Variants in CCN3 observed in about 807,000 individuals in gnomAD.
CCN3 encodes the protein CCN family member 3.
Under a neutral mutation model 33.4 loss-of-function variants are expected in CCN3, and 20 were observed. The ratio of observed to expected loss-of-function variants is 0.60; its 90% CI spans 0.42 to 0.87. The LOEUF (loss-of-function observed/expected upper bound fraction) is 0.87, where lower values mean the gene tolerates loss of function less well. Among genes scored for constraint, CCN3 ranks in the 40% least tolerant of loss-of-function variants. The pLI is 0.00. For synonymous variants in CCN3, 205 were observed against 170.4 expected (o/e 1.20, Z -1.58); for missense variants, 465 against 455.3 (o/e 1.02, Z -0.19).
chr8:119,422,895 G>C lies in CCN3; in HGVS notation c.837G>C (p.Lys279Asn), dbSNP rs781019709. Residue 279 changes from lysine (K) to asparagine (N), a missense_variant, in exon 5 of 5, where the codon AAG becomes AAC. Transcript: ENST00000259526. ...TCAAAGCCATCCACCTGCAGTTCAA[G>C]AACTGCACCAGCCTGCACACCTACA... ...KSLKAIHLQFKNCTSLHTYKP... is the reference protein window; with the variant it reads ...KSLKAIHLQFNNCTSLHTYKP... 1.2e-6 allele frequency: 2 copies of C among 1,613,864 alleles called. No homozygotes were observed. The highest frequency in any genetic ancestry group is 1.7e-6 in the Non-Finnish European group (2 of 1,179,974).
In CCN3 at chr8:119,422,859, C is replaced by G; in HGVS notation, c.801C>G (p.Thr267=). 1.2e-6 allele frequency: 2 copies of G among 1,608,628 alleles called. No individual in the cohort carries two copies. Among genetic ancestry groups the G allele is most frequent in the Admixed American group, 3.4e-5 (2 of 59,420 alleles). ...AGAAAGGAAAAAAGTGTCTCCGCAC[C>G]AAGAAGTCACTCAAAGCCATCCACC... ...TDKKGKKCLR[T]KKSLKAIHLQ... Residue 267 remains threonine, a synonymous_variant, in exon 5 of 5, where the codon ACC becomes ACG. Coordinates refer to ENST00000259526, the MANE Select transcript of CCN3 (RefSeq NM_002514.4).
Position 119,418,270 on chromosome 8 carries a change from C to A in CCN3, c.523C>A (p.Pro175Thr), listed in dbSNP as rs1377727793. The change falls in exon 3 of 5, where the codon CCA becomes ACA. Residue 175 changes from proline to threonine, a missense_variant. Pro to Thr is a conservative substitution (Grantham distance 38, BLOSUM62 -1). Coordinates refer to ENST00000259526, the MANE Select transcript of CCN3 (RefSeq NM_002514.4). ...GTGCTGTGAAAAGTGGATCTGTGGC[C>A]CAGATGAGGAGGATTCACTGGGAGG... ...GECCEKWICG[P>T]DEEDSLGGLT... 2 of 1,614,058 alleles carry A rather than the reference C, an allele frequency of 1.2e-6. No individual in the cohort carries two copies.
Position 119,423,454 on chromosome 8 carries a change from A to G in CCN3, c.*322A>G, listed in dbSNP as rs1820155922. Reference sequence around the variant, plus strand: ...TTGTAGACTGTTTCACATTGCACTCATCATATTTTGTTGTGCACTAGTGCA... The same window carrying G: ...TTGTAGACTGTTTCACATTGCACTCGTCATATTTTGTTGTGCACTAGTGCA... On this transcript the variant is annotated 3_prime_UTR_variant, in exon 5 of 5. Coordinates refer to ENST00000259526, the MANE Select transcript of CCN3 (RefSeq NM_002514.4). 8.8e-6 allele frequency: 2 copies of G among 228,286 alleles called. No homozygotes were observed. Among genetic ancestry groups the G allele is most frequent in the South Asian group, 2.0e-4 (2 of 10,006 alleles). 14.1% of individuals were successfully genotyped at this position (228,286 alleles called of 1,614,324 possible).
At position 119,423,232 on chromosome 8, in the gene CCN3, C is replaced by T. The variant is rs1386606177; in HGVS notation, c.*100C>T. ...AGTAATGAAGAATCACGATTTCATC[C>T]TTGAATCCTATGTATTTTCCTAATG... On this transcript the variant is annotated 3_prime_UTR_variant, in exon 5 of 5. Coordinates refer to ENST00000259526, the MANE Select transcript of CCN3 (RefSeq NM_002514.4). The T allele has an allele frequency of 1.5e-5, 18 of 1,171,662 alleles. No individual in the cohort carries two copies. Among genetic ancestry groups the T allele is most frequent in the Non-Finnish European group, 6.1e-6 (5 of 821,604 alleles). The allele number at this position is 1,171,662 out of a possible 1,614,324, so 72.6% of individuals were successfully genotyped here.
rs1291469799 is a variant in CCN3, at chr8:119,424,117, C to T, written c.*985C>T. ...ATTGTAGACATGCCCAAAACTTATCCTTGGGCCATAATTATGAAAACTCAT... is the reference window on the plus strand; with the variant it reads ...ATTGTAGACATGCCCAAAACTTATCTTTGGGCCATAATTATGAAAACTCAT... On this transcript the variant is annotated 3_prime_UTR_variant, in exon 5 of 5. Transcript: ENST00000259526. The T allele has an allele frequency of 6.6e-6, 1 of 152,140 alleles. No homozygotes were observed. Among genetic ancestry groups the T allele is most frequent in the Non-Finnish European group, 1.5e-5 (1 of 68,030 alleles). 9.4% of individuals were successfully genotyped at this position (152,140 alleles called of 1,614,324 possible). A position where few individuals can be genotyped will look rare whatever the true frequency, so the allele number is the denominator to read the frequency against.
intron 4 of CCN3, among the ~76,000 whole-genome samples, chr8:119,422,156 C>G (rs550305385): frequency 6.8e-6 from 1 of 146,538 alleles, no homozygotes; most frequent in African/African-American, 2.5e-5. Context: ...CAGAGAGAGA[C>G]AGAGAGAGAG....
intron 4 of CCN3, among the ~76,000 whole-genome samples, chr8:119,421,080 A>G (rs150712233): frequency 0.2 from 26,215 of 134,404 alleles, 2,550 homozygotes; most frequent in Middle Eastern, 0.23. Flanking sequence ...GTGCAGTGGC[A>G]CAATCTTGGC....
At chr8:119,421,121 C>CTAT (rs1211743523) in intron 4 of CCN3, among the ~76,000 whole-genome samples, 1 of 149,670 alleles carries the variant, frequency 6.7e-6, no homozygotes, top group African/African-American at 2.5e-5. Flanking sequence ...CGGGTTCACG[C>CTAT]TATTCTCCTG....
chr8:119,419,388 T>C (rs1820095393), intron 4 of CCN3, 43 bp downstream of exon 4: 1 of 1,581,988 alleles, frequency 6.3e-7, no homozygotes, highest in African/African-American at 1.3e-5. Context: ...GGTAATGGCC[T>C]TGTGTCCTTG....
chr8:119,418,350 G>T (rs1820081665), intron 3 of CCN3, 41 bp downstream of exon 3: 2 of 1,591,306 alleles, frequency 1.3e-6, no homozygotes, highest in African/African-American at 1.3e-5. Context: ...ATAGTAGAGG[G>T]TAAATACAAA....
chr8:119,416,655 G>C (rs772934008), intron 1 of CCN3, 39 bp downstream of exon 1: 5 of 1,602,458 alleles, frequency 3.1e-6, no homozygotes, highest in Non-Finnish European at 4.3e-6. Flanking sequence ...AAGTTACTTT[G>C]CCCGCCTTGG....
chr8:119,418,617 C>T (rs113512522), intron 3 of CCN3, among the ~76,000 whole-genome samples: 6 of 152,154 alleles, frequency 3.9e-5, no homozygotes, highest in African/African-American at 1.4e-4. Context: ...CCCACTTGAC[C>T]CTCATTAGCA....
intron 4 of CCN3, among the ~76,000 whole-genome samples, chr8:119,420,407 T>A (rs965616747): frequency 2.0e-5 from 3 of 152,212 alleles, no homozygotes; most frequent in African/African-American, 7.2e-5. Context: ...CACCATTACT[T>A]ATGATTTCTA....
chr8:119,422,813 A>T (rs775595538), intron 4 of CCN3, 23 bp from the exon 5 acceptor site: 1 of 1,579,838 alleles, frequency 6.3e-7, no homozygotes, highest in Non-Finnish European at 8.6e-7. Flanking sequence ...CATTCAATAC[A>T]TCACTTCTTT....
In CCN3 at chr8:119,416,621, G is replaced by T. The variant is rs1359394345; in HGVS notation, c.84+5G>T. On this transcript the variant is annotated splice_donor_5th_base_variant and intron_variant, in intron 1 of 4. Coordinates refer to ENST00000259526, the MANE Select transcript of CCN3 (RefSeq NM_002514.4). ...CTTCTCCATCTCCTGGGACAGGTAA[G>T]TGGCACACCCTTAAGATGCCCCCAA... is the stretch of plus-strand genomic sequence containing the variant. 1.2e-6 allele frequency: 2 copies of T among 1,613,286 alleles called. No individual in the cohort carries two copies. The highest frequency in any genetic ancestry group is 3.3e-5 in the Admixed American group (2 of 59,928).
Position 119,418,188 on chromosome 8 carries a change from T to C in CCN3, c.441T>C (p.Asp147=), listed in dbSNP as rs61756003. The stretch of plus-strand genomic sequence containing the variant: ...GCTGTGTGCCCCGCTGTCAGCTGGA[T>C]GTGCTACTGCCTGAGCCTAACTGCC... ...QIGCVPRCQL[D]VLLPEPNCPA... The change falls in exon 3 of 5, where the codon GAT becomes GAC. Residue 147 remains aspartate, a synonymous_variant. Transcript: ENST00000259526. 4.4e-4 allele frequency: 717 copies of C among 1,614,212 alleles called. 7 individuals carry two copies. The East Asian group carries it at 0.014, about 31-fold the overall frequency.
chr8:119,422,967 C>G lies in CCN3; in HGVS notation c.909C>G (p.Pro303=). 6.2e-7 allele frequency: 1 copy of G among 1,614,162 alleles called. No individual in the cohort carries two copies. Among genetic ancestry groups the G allele is most frequent in the Non-Finnish European group, 8.5e-7 (1 of 1,180,038 alleles). ...GCAGTGATGGCCGCTGCTGCACTCC[C>G]CACAATACCAAAACCATCCAGGCAG... ...GVCSDGRCCT[P]HNTKTIQAEF... is the part of the protein sequence containing the mutation. Residue 303 remains proline, a synonymous_variant, in exon 5 of 5, where the codon CCC becomes CCG. Coordinates refer to ENST00000259526, the MANE Select transcript of CCN3 (RefSeq NM_002514.4).
chr8:119,418,438 GT>G (rs1470336841), intron 3 of CCN3, 129 bp downstream of exon 3: 2 of 1,177,982 alleles, frequency 1.7e-6, no homozygotes, highest in African/African-American at 3.1e-5. Context: ...TGGGTTTCAG[GT>G]TGCCCACTGA....
intron 2 of CCN3, among the ~76,000 whole-genome samples, chr8:119,417,298 C>G (rs1820064519): frequency 6.6e-6 from 1 of 152,114 alleles, no homozygotes; most frequent in Admixed American, 6.5e-5. Flanking sequence ...TAGGGGGCCA[C>G]TTGGGGCTGA....
Sources: gnomAD v4.1 joint callset for allele counts (sites outside exome capture counted in the v4.1 genomes callset) on GRCh38, gnomAD v4.1.1 for gene constraint, MANE v1.5 for transcripts, NCBI Gene and HGNC (gene_info 2026-07-23, HGNC 2026-07-21) for gene names.